SRL: variants seen among roughly 807,000 people sequenced by gnomAD.
SRL encodes the protein sarcalumenin.
Under a neutral mutation model 39.5 loss-of-function variants are expected in SRL, and 23 were observed. The ratio of observed to expected loss-of-function variants is 0.58; its 90% CI spans 0.42 to 0.82. The LOEUF is 0.82. SRL is among the 40% of genes least tolerant of loss of function. The probability of loss-of-function intolerance (pLI) is 0.00; values close to 1 mark genes in which losing one functional copy is unlikely to be tolerated. For synonymous variants in SRL, 272 were observed against 237.4 expected, an observed-to-expected ratio of 1.15 and a Z score of -1.34; for missense variants, 592 against 607.8, an observed-to-expected ratio of 0.97 and a Z score of 0.27.
intron 1 of SRL, among the ~76,000 whole-genome samples, chr16:4,214,651 G>A (rs1196160538): frequency 6.6e-6 from 1 of 152,096 alleles, no homozygotes. Flanking sequence ...TCTAGATCTT[G>A]TCTCTGAACA....
intron 1 of SRL, among the ~76,000 whole-genome samples, chr16:4,212,071 C>T (rs75366540): frequency 6.6e-6 from 1 of 152,168 alleles, no homozygotes; most frequent in Non-Finnish European, 1.5e-5. Flanking sequence ...TGACCATGAC[C>T]TTCACACTGC....
intron 1 of SRL, chr16:4,207,138 T>G: frequency 2.2e-6 from 1 of 456,700 alleles, no homozygotes; most frequent in Non-Finnish European, 4.4e-6. Flanking sequence ...GCCCTCTGCT[T>G]CTTCTGAGCT....
chr16:4,196,968 T>C (rs894736043), intron 4 of SRL, among the ~76,000 whole-genome samples: 2 of 152,140 alleles, frequency 1.3e-5, no homozygotes, highest in African/African-American at 4.8e-5. Context: ...GATGAACATT[T>C]GACTGGTTTC....
At position 4,242,079 on chromosome 16, in the gene SRL, A is replaced by G. The variant is rs779305899; in HGVS notation, c.-12T>C. 3.7e-6 allele frequency: 6 copies of G among 1,607,824 alleles called. No individual in the cohort carries two copies. ...ACCAGCGCCCTCATGGTGACTGCCA[A>G]GAGAGCCCAGCTGCTCCTCGCCTCT... is the stretch of plus-strand genomic sequence containing the variant. On this transcript the variant is annotated 5_prime_UTR_variant, in exon 1 of 6. Coordinates refer to ENST00000399609, the MANE Select transcript of SRL (RefSeq NM_001098814.2).
chr16:4,220,929 T>C (rs1567185448), intron 1 of SRL, among the ~76,000 whole-genome samples: 1 of 152,030 alleles, frequency 6.6e-6, no homozygotes, highest in Admixed American at 6.6e-5. Context: ...TAGGCTGCAG[T>C]GAGCTATGAT....
chr16:4,236,809 A>G (rs1219677168), intron 1 of SRL, among the ~76,000 whole-genome samples: 1 of 149,196 alleles, frequency 6.7e-6, no homozygotes, highest in Non-Finnish European at 1.5e-5. Flanking sequence ...ACGCCCGGCT[A>G]ATTTTTTGTA....
At chr16:4,200,711 A>G (rs1470028920) in intron 3 of SRL, among the ~76,000 whole-genome samples, 2 of 152,240 alleles carry the variant, frequency 1.3e-5, no homozygotes, top group East Asian at 1.9e-4. Flanking sequence ...AAGGGGGGCG[A>G]TAATTGGCTG....
intron 1 of SRL, among the ~76,000 whole-genome samples, chr16:4,236,625 A>C (rs1313104814): frequency 1.3e-5 from 2 of 151,550 alleles, no homozygotes; most frequent in African/African-American, 4.8e-5. Context: ...ACGAGTAACC[A>C]ATCTTCATAA....
At chr16:4,229,318 C>T (rs2052633391) in intron 1 of SRL, among the ~76,000 whole-genome samples, 1 of 152,026 alleles carries the variant, frequency 6.6e-6, no homozygotes, top group Non-Finnish European at 1.5e-5. Flanking sequence ...GTGGTGGGGA[C>T]CTGTAGTCCC....
chr16:4,240,684 T>C (rs754652417), intron 1 of SRL, among the ~76,000 whole-genome samples: 1 of 151,976 alleles, frequency 6.6e-6, no homozygotes, highest in African/African-American at 2.4e-5. Flanking sequence ...AGATAAAGGA[T>C]GTCCCTAAAA....
At chr16:4,216,743 C>T (rs1300543915) in intron 1 of SRL, among the ~76,000 whole-genome samples, 5 of 152,176 alleles carry the variant, frequency 3.3e-5, no homozygotes, top group Non-Finnish European at 5.9e-5. Flanking sequence ...GGCCTGCTGC[C>T]TCCCTTCAGA....
At chr16:4,230,526 G>A (rs1421314744) in intron 1 of SRL, among the ~76,000 whole-genome samples, 1 of 151,802 alleles carries the variant, frequency 6.6e-6, no homozygotes, top group South Asian at 2.1e-4. Flanking sequence ...GATTACAGGC[G>A]GGCACCACTA....
intron 3 of SRL, 134 bp downstream of exon 3, chr16:4,203,032 T>C (rs1335647951): frequency 2.5e-6 from 2 of 791,666 alleles, no homozygotes; most frequent in Admixed American, 4.1e-5. Flanking sequence ...CCACAAGTCC[T>C]TGCACACATC....
chr16:4,213,904 C>A (rs144207981), intron 1 of SRL, among the ~76,000 whole-genome samples: 17 of 152,276 alleles, frequency 1.1e-4, no homozygotes, highest in Admixed American at 4.6e-4. Flanking sequence ...GAAGTCAAGT[C>A]GTTTGCCTCA....
At chr16:4,207,509 G>A (rs570358889) in intron 1 of SRL, 3 of 456,666 alleles carry the variant, frequency 6.6e-6, no homozygotes, top group East Asian at 7.0e-5. Context: ...TCAGTGGGCC[G>A]ACCCCATCAC....
chr16:4,226,012 G>C (rs372981755), intron 1 of SRL, among the ~76,000 whole-genome samples: 117 of 152,092 alleles, frequency 7.7e-4, no homozygotes, highest in African/African-American at 2.7e-3. Flanking sequence ...TTTGCTTTTT[G>C]CTGAGAATGT....
Position 4,223,150 on chromosome 16 carries a change from T to C in SRL, c.62-18516A>G, listed in dbSNP as rs148864512. ...GGGAGGCTGAGGCAGGAGAATGGCATGAACCTAGGAGGTGGAGTTTGCAGT... is the reference window on the plus strand; with the variant it reads ...GGGAGGCTGAGGCAGGAGAATGGCACGAACCTAGGAGGTGGAGTTTGCAGT... On this transcript the variant is annotated intron_variant, in intron 1 of 5. Transcript: ENST00000399609. Among the ~76,000 whole-genome samples, 526 of 147,530 alleles carry C rather than the reference T, an allele frequency of 3.6e-3. 4 individuals carry two copies. Among genetic ancestry groups the C allele is most frequent in the African/African-American group, 0.013 (499 of 39,734 alleles).
chr16:4,204,426 A>AAGAT (rs1229519624), intron 2 of SRL, 107 bp downstream of exon 2: 28 of 1,064,938 alleles, frequency 2.6e-5, no homozygotes, highest in African/African-American at 1.1e-4. Context: ...CCCGGCCTCC[A>AAGAT]AGATACAGCC....
chr16:4,204,559 T>TCATTCAG lies in SRL; in HGVS notation c.130_136dup (p.Glu46AlafsTer3). 1 of 1,612,972 alleles carries TCATTCAG rather than the reference T, an allele frequency of 6.2e-7. No homozygotes were observed. Among genetic ancestry groups the TCATTCAG allele is most frequent in the Non-Finnish European group, 8.5e-7 (1 of 1,179,512 alleles). ...AGAGTAGTCATCGGATGGCTTGTCCTCATTCAGCATGAGGGTCTTCTCGAT... is the reference window on the plus strand; with the variant it reads ...AGAGTAGTCATCGGATGGCTTGTCCTCATTCAGCATTCAGCATGAGGGTCTTCTCGAT... On this transcript the variant is annotated stop_gained and frameshift_variant, in exon 2 of 6. Transcript: ENST00000399609. LOFTEE classifies it high-confidence loss of function.
Sources: allele counts gnomAD v4.1 joint callset (sites outside exome capture counted in the v4.1 genomes callset), GRCh38; gene constraint gnomAD v4.1.1; transcripts MANE v1.5; gene names NCBI Gene and HGNC (gene_info 2026-07-23, HGNC 2026-07-21).